The following GABRA3 variants were observed in gnomAD, a reference collection of about 807,000 sequenced individuals.
The protein encoded by GABRA3 is gamma-aminobutyric acid type A receptor subunit alpha3, also known as gamma-aminobutyric acid receptor subunit alpha-3.
GABRA3 carries 10 observed loss-of-function variants against 30.1 expected under a neutral mutation model. The ratio of observed to expected loss-of-function variants is 0.33; its 90% CI spans 0.20 to 0.56. GABRA3 has a LOEUF of 0.56. Ranked by LOEUF, GABRA3 falls within the 20% of genes least tolerant of loss-of-function variation. The pLI is 0.89. For synonymous variants in GABRA3, 151 were observed against 146.8 expected (o/e 1.03, Z -0.21); for missense variants, 233 against 392.0 (o/e 0.59, Z 3.42).
intron 7 of GABRA3, among the ~76,000 whole-genome samples, chrX:152,199,163 G>A (rs912327297): frequency 3.6e-5 from 4 of 110,296 alleles, no homozygotes; most frequent in Admixed American, 1.9e-4. Flanking sequence ...TCAGGAGATC[G>A]AGACCATCCT....
At chrX:152,192,382 G>A (rs1373996801) in intron 8 of GABRA3, among the ~76,000 whole-genome samples, 1 of 112,026 alleles carries the variant, frequency 8.9e-6, no homozygotes, top group African/African-American at 3.2e-5. Flanking sequence ...GTGCACTTAC[G>A]TGATGACATG....
chrX:152,345,369 C>A (rs1051013773), intron 3 of GABRA3, among the ~76,000 whole-genome samples: 1 of 111,681 alleles, frequency 9.0e-6, no homozygotes, highest in Admixed American at 9.5e-5. Flanking sequence ...ATGCACCTAG[C>A]AAAAACCTAG....
At chrX:152,169,474 C>T (rs1030923194) in intron 9 of GABRA3, among the ~76,000 whole-genome samples, 5 of 112,052 alleles carry the variant, frequency 4.5e-5, no homozygotes, top group Non-Finnish European at 7.5e-5. Context: ...CCAATTTGCT[C>T]TCATATATAT....
chrX:152,405,116 C>T (rs1929896576), intron 1 of GABRA3, among the ~76,000 whole-genome samples: 1 of 108,541 alleles, frequency 9.2e-6, no homozygotes, highest in Non-Finnish European at 1.9e-5. Flanking sequence ...CACCCCTTCC[C>T]TCTCCCCTAA....
At chrX:152,266,885 G>A (rs1045387034) in intron 4 of GABRA3, among the ~76,000 whole-genome samples, 2 of 111,732 alleles carry the variant, frequency 1.8e-5, no homozygotes, top group Admixed American at 9.5e-5. Context: ...ATAGCGTATA[G>A]CAGATGCTCT....
At chrX:152,421,531 T>A (rs1050141797) in intron 1 of GABRA3, among the ~76,000 whole-genome samples, 1 of 111,463 alleles carries the variant, frequency 9.0e-6, no homozygotes, top group East Asian at 2.8e-4. Context: ...AGTAAAAGTC[T>A]GATCAACTAG....
chrX:152,205,904 T>C (rs781259131), intron 7 of GABRA3, among the ~76,000 whole-genome samples: 1 of 113,059 alleles, frequency 8.8e-6, no homozygotes, highest in African/African-American at 3.2e-5. Context: ...CGAAATCTTC[T>C]AAGATATTTC....
intron 9 of GABRA3, 106 bp downstream of exon 9, chrX:152,189,624 T>C (rs752593881): frequency 8.4e-5 from 47 of 556,771 alleles, no homozygotes; most frequent in Non-Finnish European, 1.3e-4. Context: ...CCCCAGTGCA[T>C]AGCACATAGC....
chrX:152,399,367 G>C (rs1929737495), intron 1 of GABRA3, among the ~76,000 whole-genome samples: 1 of 111,657 alleles, frequency 9.0e-6, no homozygotes, highest in Non-Finnish European at 1.9e-5. Context: ...GGGGAATAGA[G>C]GAAGATATCA....
At chrX:152,338,108 C>T in intron 3 of GABRA3, among the ~76,000 whole-genome samples, 1 of 111,559 alleles carries the variant, frequency 9.0e-6, no homozygotes, top group Non-Finnish European at 1.9e-5. Context: ...TAATCGCCAC[C>T]CTGTTCTGCA....
chrX:152,234,027 C>T (rs777132547), intron 5 of GABRA3, among the ~76,000 whole-genome samples: 6 of 83,155 alleles, frequency 7.2e-5, no homozygotes, highest in East Asian at 8.4e-4. Context: ...GGGGGAACAT[C>T]GCACTCTAGG....
chrX:152,376,393 CA>C (rs1465577921), intron 1 of GABRA3, among the ~76,000 whole-genome samples: 10 of 111,113 alleles, frequency 9.0e-5, no homozygotes, highest in African/African-American at 3.3e-4. Context: ...TCTCAACCTA[CA>C]AAATTAACTC....
At chrX:152,439,338 G>A (rs1288209743) in intron 1 of GABRA3, among the ~76,000 whole-genome samples, 1 of 110,340 alleles carries the variant, frequency 9.1e-6, no homozygotes, top group Non-Finnish European at 1.9e-5. Flanking sequence ...TCACCATGTT[G>A]GCCAGGCTGG....
At chrX:152,258,455 G>A (rs190429315) in intron 4 of GABRA3, among the ~76,000 whole-genome samples, 65 of 111,527 alleles carry the variant, frequency 5.8e-4, no homozygotes, top group African/African-American at 1.6e-3. Context: ...TTCAGTATAC[G>A]TGTATTACGA....
At chrX:152,251,963 A>C (rs760374161) in intron 5 of GABRA3, among the ~76,000 whole-genome samples, 1 of 111,264 alleles carries the variant, frequency 9.0e-6, no homozygotes, top group South Asian at 3.8e-4. Flanking sequence ...TAGATTTGAT[A>C]TCATCCCCTT....
chrX:152,199,090 C>CAT (rs1569353264), intron 7 of GABRA3, among the ~76,000 whole-genome samples: 19 of 111,178 alleles, frequency 1.7e-4, no homozygotes, highest in African/African-American at 4.6e-4. Context: ...GGGCTGGGTG[C>CAT]GGTGGCTCAA....
intron 3 of GABRA3, among the ~76,000 whole-genome samples, chrX:152,342,346 A>G (rs1171281750): frequency 8.9e-6 from 1 of 111,978 alleles, no homozygotes; most frequent in African/African-American, 3.2e-5. Flanking sequence ...AAAAAGTCAG[A>G]ATCTTTTGAC....
intron 3 of GABRA3, among the ~76,000 whole-genome samples, chrX:152,315,246 G>A (rs745719451): frequency 1.8e-5 from 2 of 111,554 alleles, no homozygotes; most frequent in South Asian, 7.7e-4. Context: ...TGAGGAACCT[G>A]AAGGTCCAGA....
At chrX:152,327,145 G>C (rs1338560142) in intron 3 of GABRA3, among the ~76,000 whole-genome samples, 1 of 110,893 alleles carries the variant, frequency 9.0e-6, no homozygotes. Context: ...TCAACAAGAA[G>C]AGCTAACTAT....
Sources: gnomAD v4.1 joint callset for allele counts (sites outside exome capture counted in the v4.1 genomes callset) on GRCh38, gnomAD v4.1.1 for gene constraint, MANE v1.5 for transcripts, NCBI Gene and HGNC (gene_info 2026-07-23, HGNC 2026-07-21) for gene names.